The following ZNF296 variants were observed in gnomAD, a reference collection of about 807,000 sequenced individuals.
ZNF296 encodes the protein zinc finger protein 296.
Under a neutral mutation model 13.2 loss-of-function variants are expected in ZNF296, and 1 was observed. The observed-to-expected ratio is 0.08, with a 90% CI of 0.03 to 0.36. The LOEUF is 0.36. Among genes scored for constraint, ZNF296 ranks in the 10% least tolerant of loss-of-function variants. The pLI, the probability that ZNF296 is intolerant of heterozygous loss-of-function variation, is 0.99. For missense variants in ZNF296, 555 were observed against 688.2 expected, an observed-to-expected ratio of 0.81 and a Z score of 2.16; for synonymous variants, 303 against 289.0, an observed-to-expected ratio of 1.05 and a Z score of -0.49.
chr19:45,075,604 G>A, intron 2 of ZNF296, 109 bp downstream of exon 2: 1 of 1,371,418 alleles, frequency 7.3e-7, no homozygotes. Context: ...CCGATGGGGA[G>A]CGAGAAAGGG....
At chr19:45,073,462 C>T (rs748203959) in intron 2 of ZNF296, among the ~76,000 whole-genome samples, 2 of 150,016 alleles carry the variant, frequency 1.3e-5, no homozygotes, top group East Asian at 2.0e-4. Flanking sequence ...GCTCTGCCTC[C>T]GGGGTTCACG....
Position 45,072,472 on chromosome 19 carries a change from T to G in ZNF296, c.557A>C (p.Gln186Pro), listed in dbSNP as rs1205371341. 1.9e-6 allele frequency: 3 copies of G among 1,613,396 alleles called. No individual in the cohort carries two copies. Among genetic ancestry groups the G allele is most frequent in the Non-Finnish European group, 2.5e-6 (3 of 1,179,988 alleles). ...GGCCTCCGGGGCCTCTGATTCTGTCTGGTAGATGGACAGTCCGTGGTCCCA... is the reference window on the plus strand; with the variant it reads ...GGCCTCCGGGGCCTCTGATTCTGTCGGGTAGATGGACAGTCCGTGGTCCCA... ...AQWDHGLSIYQTESEAPEAPL... is the reference protein window; with the variant it reads ...AQWDHGLSIYPTESEAPEAPL... Residue 186 changes from glutamine to proline, a missense_variant, in exon 3 of 3, where the codon CAG (glutamine) becomes CCG (proline). Physicochemically the swap from Gln to Pro is moderately conservative, Grantham distance 76. Around this residue, in one of 3 missense-constraint regions of ZNF296, gnomAD observed 410 missense variants for 548.0 expected, o/e 0.75. Coordinates refer to ENST00000303809, the MANE Select transcript of ZNF296 (RefSeq NM_145288.3).
In ZNF296 at chr19:45,072,148, G is replaced by T. The variant is rs750080052; in HGVS notation, c.881C>A (p.Thr294Asn). The T allele has an allele frequency of 1.9e-6, 3 of 1,603,460 alleles. No individual in the cohort carries two copies. The highest frequency in any genetic ancestry group is 4.5e-5 in the East Asian group (2 of 44,618). ...GGCTGCAGAGGCCTGCTCCTGGCTG[G>T]TGTCGGCCATGAGGGGGCTCTGGGG... ...VPPQSPLMAD[T>N]SQEQASAAPP... Residue 294 changes from threonine (T) to asparagine (N), a missense_variant, in exon 3 of 3, where the codon ACC (threonine) becomes AAC (asparagine). Thr to Asn is a moderately conservative substitution (Grantham distance 65). Coordinates refer to ENST00000303809, the MANE Select transcript of ZNF296 (RefSeq NM_145288.3).
Position 45,071,639 on chromosome 19 carries a change from G to A in ZNF296, c.1390C>T (p.Leu464=), listed in dbSNP as rs1458940981. Residue 464 remains leucine (L), a synonymous_variant, in exon 3 of 3, where the codon CTG becomes TTG. Coordinates refer to ENST00000303809, the MANE Select transcript of ZNF296 (RefSeq NM_145288.3). ...FGLRATLDKH[L]RQKHPEAAGE... is the part of the protein sequence containing the mutation. ...GCCGCCTCAGGGTGCTTCTGCCGCA[G>A]GTGTTTGTCCAGGGTGGCTCGCAGG... 1 of 1,531,734 alleles carries A rather than the reference G, an allele frequency of 6.5e-7. No homozygotes were observed. The highest frequency in any genetic ancestry group is 8.7e-7 in the Non-Finnish European group (1 of 1,143,844). 94.9% of individuals were successfully genotyped at this position (1,531,734 alleles called of 1,614,324 possible).
At position 45,076,090 on chromosome 19, in the gene ZNF296, G is replaced by T. The variant is rs758915819; in HGVS notation, c.284C>A (p.Thr95Asn). 4 of 1,580,624 alleles carry T rather than the reference G, an allele frequency of 2.5e-6. No homozygotes were observed. In the South Asian group the frequency reaches 4.6e-5, roughly 18 times the overall value. Reference protein sequence around the residue: ...RNPWTLWTPLTPNYPDRQPWT... With the variant: ...RNPWTLWTPLNPNYPDRQPWT... ...GGGGTGCTCACCGGGATAGTTCGGGGTCAACGGCGTCCACAGGGTCCACGG... is the reference window on the plus strand; with the variant it reads ...GGGGTGCTCACCGGGATAGTTCGGGTTCAACGGCGTCCACAGGGTCCACGG... The change falls in exon 1 of 3, where the codon ACC becomes AAC. Residue 95 changes from threonine (T) to asparagine (N), a missense_variant. By Grantham distance (65) the Thr-to-Asn change is moderately conservative. This residue lies in a region of ZNF296 where 410 missense variants were observed against 548.0 expected (regional missense o/e 0.75). Transcript: ENST00000303809. This position sits in a 1 kb window ranked among gnomAD's most constrained non-coding sequence, Gnocchi z 4.9.
chr19:45,073,234 G>A (rs1392161943), intron 2 of ZNF296, among the ~76,000 whole-genome samples: 1 of 152,024 alleles, frequency 6.6e-6, no homozygotes, highest in East Asian at 1.9e-4. Flanking sequence ...CTTGGAAGGG[G>A]TGAAGCTGGG....
At chr19:45,074,475 T>G (rs892806702) in intron 2 of ZNF296, among the ~76,000 whole-genome samples, 5 of 152,192 alleles carry the variant, frequency 3.3e-5, no homozygotes, top group Non-Finnish European at 7.4e-5. Context: ...AACCTGAATT[T>G]GGATTTCTAT....
Position 45,071,548 on chromosome 19 carries a change from G to A in ZNF296, c.*53C>T, listed in dbSNP as rs1967254144. ...GGAGAAGGCGGGCAAAAACGAGGAG[G>A]TCAATGGGTGTTGGCAGCGGTACCA... On this transcript the variant is annotated 3_prime_UTR_variant, in exon 3 of 3. Coordinates refer to ENST00000303809, the MANE Select transcript of ZNF296 (RefSeq NM_145288.3). 1 of 1,497,128 alleles carries A rather than the reference G, an allele frequency of 6.7e-7. No individual in the cohort carries two copies. The highest frequency in any genetic ancestry group is 1.4e-5 in the African/African-American group (1 of 71,498). 92.7% of individuals were successfully genotyped at this position (1,497,128 alleles called of 1,614,324 possible).
In ZNF296 at chr19:45,072,419, C is replaced by T. The variant is rs1967273627; in HGVS notation, c.610G>A (p.Ala204Thr). ...APLLGLAEVA[A>T]AVSAVVGPAA... The stretch of plus-strand genomic sequence containing the variant: ...GGCCCCACCACTGCCGACACGGCTG[C>T]AGCCACCTCGGCCAGGCCCAGGAGC... Residue 204 changes from alanine (A) to threonine (T), a missense_variant, in exon 3 of 3, where the codon GCA becomes ACA. Transcript: ENST00000303809. The T allele has an allele frequency of 1.9e-6, 3 of 1,612,664 alleles. No homozygotes were observed. The highest frequency in any genetic ancestry group is 2.2e-5 in the South Asian group (2 of 91,064).
At position 45,076,424 on chromosome 19, in the gene ZNF296, G is replaced by C. The variant is rs935184737; in HGVS notation, c.-51C>G. 1 of 1,201,586 alleles carries C rather than the reference G, an allele frequency of 8.3e-7. No homozygotes were observed. The highest frequency in any genetic ancestry group is 1.6e-5 in the African/African-American group (1 of 63,164). The allele number at this position is 1,201,586 out of a possible 1,614,324, so 74.4% of individuals were successfully genotyped here. A position where few individuals can be genotyped will look rare whatever the true frequency, so the allele number is the denominator to read the frequency against. On this transcript the variant is annotated 5_prime_UTR_variant, in exon 1 of 3. Transcript: ENST00000303809. This position sits in a 1 kb window ranked among gnomAD's most constrained non-coding sequence, Gnocchi z 4.9. ...GGCGGGCAGGCAGGCAGGCGGGCGG[G>C]CGGAGGACGCACGAGCGGAGGACGC...
chr19:45,075,918 GTGC>G, intron 1 of ZNF296, 56 bp from the exon 2 acceptor site: 2 of 1,605,190 alleles, frequency 1.2e-6, no homozygotes, highest in African/African-American at 2.7e-5. Flanking sequence ...GGGGCTGAGG[GTGC>G]TGAAGGAGAG....
Position 45,072,415 on chromosome 19 carries a change from G to C in ZNF296, c.614C>G (p.Ala205Gly), listed in dbSNP as rs1457376600. The change falls in exon 3 of 3, where the codon GCC becomes GGC. Residue 205 changes from alanine to glycine, a missense_variant. Ala to Gly is a moderately conservative substitution (Grantham distance 60). Coordinates refer to ENST00000303809, the MANE Select transcript of ZNF296 (RefSeq NM_145288.3). ...PLLGLAEVAAAVSAVVGPAAE... is the reference protein window; with the variant it reads ...PLLGLAEVAAGVSAVVGPAAE... ...TGCTGGCCCCACCACTGCCGACACG[G>C]CTGCAGCCACCTCGGCCAGGCCCAG... 1 of 1,612,616 alleles carries C rather than the reference G, an allele frequency of 6.2e-7. No homozygotes were observed. The highest frequency in any genetic ancestry group is 8.5e-7 in the Non-Finnish European group (1 of 1,179,756).
In ZNF296 at chr19:45,071,532, G is replaced by C; in HGVS notation, c.*69C>G. 1 of 1,490,210 alleles carries C rather than the reference G, an allele frequency of 6.7e-7. No individual in the cohort carries two copies. The highest frequency in any genetic ancestry group is 8.9e-7 in the Non-Finnish European group (1 of 1,128,318). 92.3% of individuals were successfully genotyped at this position (1,490,210 alleles called of 1,614,324 possible). A position where few individuals can be genotyped will look rare whatever the true frequency, so the allele number is the denominator to read the frequency against. On this transcript the variant is annotated 3_prime_UTR_variant, in exon 3 of 3. Coordinates refer to ENST00000303809, the MANE Select transcript of ZNF296 (RefSeq NM_145288.3). Reference sequence around the variant, plus strand: ...AAGGGAAAATTTACTTGGAGAAGGCGGGCAAAAACGAGGAGGTCAATGGGT... The same window carrying C: ...AAGGGAAAATTTACTTGGAGAAGGCCGGCAAAAACGAGGAGGTCAATGGGT...
intron 2 of ZNF296, 62 bp downstream of exon 2, chr19:45,075,651 C>T (rs978099053): frequency 5.0e-6 from 8 of 1,590,578 alleles, no homozygotes; most frequent in South Asian, 1.1e-5. Flanking sequence ...CAGCCCAGCC[C>T]CTTTCCAGCA....
intron 2 of ZNF296, among the ~76,000 whole-genome samples, chr19:45,073,353 C>T (rs1055552290): frequency 6.7e-6 from 1 of 149,952 alleles, no homozygotes; most frequent in African/African-American, 2.5e-5. Flanking sequence ...GAGATGGGGT[C>T]CTGCTATGTT....
Position 45,071,921 on chromosome 19 carries a change from A to T in ZNF296, c.1108T>A (p.Ser370Thr). The T allele has an allele frequency of 6.2e-7, 1 of 1,613,632 alleles. No individual in the cohort carries two copies. The highest frequency in any genetic ancestry group is 2.2e-5 in the East Asian group (1 of 44,862). ...CCTGACTTGGGCATCTTTTTGGGTG[A>T]TGCCTTCTGGCTGTTTGCAGGGTCA... Reference protein sequence around the residue: ...RTDPANSQKASPKKMPKSGGK... With the variant: ...RTDPANSQKATPKKMPKSGGK... The change falls in exon 3 of 3, where the codon TCA (serine) becomes ACA (threonine). Residue 370 changes from serine (S) to threonine (T), a missense_variant. By Grantham distance (58) the Ser-to-Thr change is moderately conservative. Coordinates refer to ENST00000303809, the MANE Select transcript of ZNF296 (RefSeq NM_145288.3).
In ZNF296 at chr19:45,076,051, TGGGCCCA is replaced by T; in HGVS notation, c.298+18_298+24del. ...CCCGAGGGTCAAAGGTAAGGGAGGCTGGGCCCAGGGCCCGGGGTGCTCACCGGGATAG... is the reference window on the plus strand; with the variant it reads ...CCCGAGGGTCAAAGGTAAGGGAGGCTGGGCCCGGGGTGCTCACCGGGATAG... On this transcript the variant is annotated intron_variant, in intron 1 of 2. Transcript: ENST00000303809. The surrounding 1 kb of genome is among the most constrained non-coding windows in gnomAD (Gnocchi z 4.9). 1 of 1,575,754 alleles carries T rather than the reference TGGGCCCA, an allele frequency of 6.3e-7. No homozygotes were observed. The highest frequency in any genetic ancestry group is 8.6e-7 in the Non-Finnish European group (1 of 1,166,620).
intron 2 of ZNF296, 115 bp downstream of exon 2, chr19:45,075,598 T>A: frequency 8.9e-7 from 1 of 1,121,232 alleles, no homozygotes; most frequent in Non-Finnish European, 1.2e-6. Flanking sequence ...CTGCACCCGA[T>A]GGGGAGCGAG....
At position 45,072,591 on chromosome 19, in the gene ZNF296, A is replaced by G; in HGVS notation, c.449-11T>C. 21 of 1,581,876 alleles carry G rather than the reference A, an allele frequency of 1.3e-5. No homozygotes were observed. The highest frequency in any genetic ancestry group is 1.8e-5 in the Non-Finnish European group (21 of 1,162,928). ...TCAGCTCCTCTCGTTCTGGTAAGAA[A>G]AAGAGGCAGAGTGTTAGTGCGGACA... On this transcript the variant is annotated splice_polypyrimidine_tract_variant and intron_variant, in intron 2 of 2. Transcript: ENST00000303809.
Sources: allele counts gnomAD v4.1 joint callset (sites outside exome capture counted in the v4.1 genomes callset), GRCh38; gene constraint gnomAD v4.1.1; regional missense constraint gnomAD v4.1.1; non-coding constraint Gnocchi (gnomAD v3.1); transcripts MANE v1.5; gene names NCBI Gene and HGNC (gene_info 2026-07-23, HGNC 2026-07-21).